Variants in PCDH11X observed in about 807,000 individuals in gnomAD.
PCDH11X encodes the protein protocadherin-11 X-linked.
PCDH11X carries 18 observed loss-of-function variants against 53.3 expected under a neutral mutation model. The ratio of observed to expected loss-of-function variants is 0.34; its 90% CI spans 0.23 to 0.50. The LOEUF (loss-of-function observed/expected upper bound fraction) is 0.50, where lower values mean the gene tolerates loss of function less well. Among genes scored for constraint, PCDH11X ranks in the 20% least tolerant of loss-of-function variants. The probability of loss-of-function intolerance (pLI) is 0.98; values close to 1 mark genes in which losing one functional copy is unlikely to be tolerated. For synonymous variants in PCDH11X, 279 were observed against 393.3 expected, an observed-to-expected ratio of 0.71 and a Z score of 3.44; for missense variants, 570 against 1,032.4, an observed-to-expected ratio of 0.55 and a Z score of 6.14.
intron 10 of PCDH11X, among the ~76,000 whole-genome samples, chrX:92,538,510 A>G: frequency 9.2e-6 from 1 of 108,735 alleles, no homozygotes; most frequent in Non-Finnish European, 1.9e-5. Context: ...TTAATTTGTA[A>G]CTTTTTATTT....
intron 7 of PCDH11X, among the ~76,000 whole-genome samples, chrX:92,262,802 C>A (rs1284839111): frequency 9.0e-6 from 1 of 111,001 alleles, no homozygotes; most frequent in Non-Finnish European, 1.9e-5. Context: ...GGAAGGGTGC[C>A]TTTTCTTGGT....
chrX:91,786,710 G>C (rs1303216812), intron 1 of PCDH11X, among the ~76,000 whole-genome samples: 3 of 91,670 alleles, frequency 3.3e-5, no homozygotes, highest in Admixed American at 1.2e-4. Context: ...TTTGTCAATG[G>C]GGAGACTGAA....
At chrX:92,254,231 G>C (rs1381394405) in intron 7 of PCDH11X, among the ~76,000 whole-genome samples, 1 of 111,548 alleles carries the variant, frequency 9.0e-6, no homozygotes, top group East Asian at 2.8e-4. Context: ...CACATTGATT[G>C]GTTTGTGTAC....
At chrX:92,015,592 C>CT (rs751098627) in intron 6 of PCDH11X, among the ~76,000 whole-genome samples, 1 of 112,243 alleles carries the variant, frequency 8.9e-6, no homozygotes, top group Non-Finnish European at 1.9e-5. Context: ...CAAGAAACCA[C>CT]TTTTTTATCA....
At chrX:92,042,798 A>G (rs1204150152) in intron 6 of PCDH11X, among the ~76,000 whole-genome samples, 1 of 106,433 alleles carries the variant, frequency 9.4e-6, no homozygotes, top group Non-Finnish European at 1.9e-5. Flanking sequence ...CCCCACACCC[A>G]GCTAATTTTT....
At chrX:92,345,460 ACT>A (rs1238870630) in intron 8 of PCDH11X, among the ~76,000 whole-genome samples, 3 of 109,646 alleles carry the variant, frequency 2.7e-5, no homozygotes, top group African/African-American at 9.9e-5. Flanking sequence ...GAAGCTTTAT[ACT>A]CTTTTTCCCA....
At chrX:91,895,339 G>T (rs1446637017) in intron 6 of PCDH11X, among the ~76,000 whole-genome samples, 2 of 111,372 alleles carry the variant, frequency 1.8e-5, no homozygotes, top group African/African-American at 6.5e-5. Context: ...GCTATACAAG[G>T]TGGTTGAGTG....
chrX:91,968,480 C>T (rs1458768047), intron 6 of PCDH11X, among the ~76,000 whole-genome samples: 1 of 111,153 alleles, frequency 9.0e-6, no homozygotes, highest in Non-Finnish European at 1.9e-5. Context: ...TTTGTGTACA[C>T]CACAAATCTC....
At chrX:92,453,347 C>T (rs1037726811) in intron 9 of PCDH11X, among the ~76,000 whole-genome samples, 38 of 110,893 alleles carry the variant, frequency 3.4e-4, no homozygotes, top group African/African-American at 1.2e-3. Context: ...AAATTTCATC[C>T]GAATTAATGT....
chrX:92,588,445 T>G (rs1369077430), intron 10 of PCDH11X, among the ~76,000 whole-genome samples: 1 of 103,477 alleles, frequency 9.7e-6, no homozygotes, highest in Admixed American at 1.1e-4. Context: ...TACATATAAT[T>G]TAACAAAGAG....
intron 6 of PCDH11X, among the ~76,000 whole-genome samples, chrX:92,077,006 C>A (rs1375801989): frequency 8.9e-6 from 1 of 111,764 alleles, no homozygotes; most frequent in African/African-American, 3.2e-5. Flanking sequence ...CACTGACATT[C>A]AATGAACATT....
intron 6 of PCDH11X, among the ~76,000 whole-genome samples, chrX:91,987,738 A>G (rs1241897253): frequency 9.0e-6 from 1 of 111,127 alleles, no homozygotes; most frequent in Admixed American, 9.6e-5. Flanking sequence ...AAAATGTTTG[A>G]AACAAGTATT....
At chrX:92,384,149 T>G (rs1478235478) in intron 8 of PCDH11X, among the ~76,000 whole-genome samples, 1 of 111,708 alleles carries the variant, frequency 9.0e-6, no homozygotes, top group African/African-American at 3.3e-5. Context: ...TTCATATCCT[T>G]TGCCCACTTT....
chrX:92,544,962 C>T (rs1247460220), intron 10 of PCDH11X, among the ~76,000 whole-genome samples: 3 of 111,392 alleles, frequency 2.7e-5, no homozygotes, highest in South Asian at 3.7e-4. Flanking sequence ...TATACTGGTA[C>T]CTGTCTCTTC....
intron 8 of PCDH11X, among the ~76,000 whole-genome samples, chrX:92,357,705 A>G (rs1230129035): frequency 9.1e-6 from 1 of 110,346 alleles, no homozygotes; most frequent in African/African-American, 3.3e-5. Context: ...TGTTTATAAG[A>G]TATCTAGTTT....
intron 7 of PCDH11X, among the ~76,000 whole-genome samples, chrX:92,258,929 C>T (rs2067657521): frequency 9.0e-6 from 1 of 111,291 alleles, no homozygotes; most frequent in African/African-American, 3.3e-5. Context: ...CTCTCAAATT[C>T]AAAGTTCCAC....
chrX:92,120,694 G>A (rs183198957), intron 6 of PCDH11X, among the ~76,000 whole-genome samples: 190 of 112,058 alleles, frequency 1.7e-3, no homozygotes, highest in African/African-American at 6.0e-3. Context: ...GGAAGCTAAT[G>A]TCTTGGTGCA....
intron 6 of PCDH11X, among the ~76,000 whole-genome samples, chrX:92,197,263 T>C (rs1052878544): frequency 3.6e-5 from 4 of 111,339 alleles, no homozygotes; most frequent in Admixed American, 1.9e-4. Flanking sequence ...CAGAAAGGCA[T>C]GTCAGGAGAA....
At chrX:92,089,645 C>T (rs1477457586) in intron 6 of PCDH11X, among the ~76,000 whole-genome samples, 2 of 106,158 alleles carry the variant, frequency 1.9e-5, no homozygotes, top group African/African-American at 6.9e-5. Flanking sequence ...GTCTCAGCCT[C>T]CCAAGTAGCT....
Sources: allele counts gnomAD v4.1 joint callset (sites outside exome capture counted in the v4.1 genomes callset), GRCh38; gene constraint gnomAD v4.1.1; transcripts MANE v1.5; gene names NCBI Gene and HGNC (gene_info 2026-07-23, HGNC 2026-07-21).